The following CRISPLD2 variants were observed in gnomAD, a reference collection of about 807,000 sequenced individuals.
CRISPLD2 encodes the protein cysteine rich secretory protein LCCL domain containing 2, also known as cysteine-rich secretory protein LCCL domain-containing 2.
Under a neutral mutation model 71.1 loss-of-function variants are expected in CRISPLD2, and 47 were observed. That is an observed-to-expected ratio of 0.66 (90% CI 0.52 to 0.84). The LOEUF is 0.84. Among genes scored for constraint, CRISPLD2 ranks in the 40% least tolerant of loss-of-function variants. The pLI, the probability that CRISPLD2 is intolerant of heterozygous loss-of-function variation, is 0.00. For synonymous variants in CRISPLD2, 317 were observed against 250.1 expected (o/e 1.27, Z -2.52); for missense variants, 830 against 651.1 (o/e 1.27, Z -2.99).
intron 13 of CRISPLD2, among the ~76,000 whole-genome samples, chr16:84,886,073 A>G (rs1433399299): frequency 6.6e-6 from 1 of 152,108 alleles, no homozygotes; most frequent in South Asian, 2.1e-4. Flanking sequence ...TATTTTTAGT[A>G]GAGATGGGGT....
intron 8 of CRISPLD2, among the ~76,000 whole-genome samples, chr16:84,870,778 G>A (rs780614400): frequency 2.0e-5 from 3 of 152,072 alleles, no homozygotes; most frequent in African/African-American, 7.2e-5. Flanking sequence ...AACAGTTGCG[G>A]CCAGGTACGG....
intron 14 of CRISPLD2, among the ~76,000 whole-genome samples, chr16:84,896,310 A>G (rs2071705700): frequency 1.3e-5 from 2 of 152,064 alleles, no homozygotes; most frequent in South Asian, 4.2e-4. Context: ...CAGCCTCCCA[A>G]AGTGCTGGGA....
At chr16:84,846,354 G>C (rs1916914682) in intron 3 of CRISPLD2, among the ~76,000 whole-genome samples, 1 of 151,896 alleles carries the variant, frequency 6.6e-6, no homozygotes. Flanking sequence ...CTGGGTTCAA[G>C]TGATTCTCGA....
rs561058435 is a variant in CRISPLD2, at chr16:84,854,617, C to G, written c.609-112C>G. 2.7e-4 allele frequency: 211 copies of G among 770,206 alleles called. 3 individuals are homozygous for G. The highest frequency in any genetic ancestry group is 3.3e-4 in the Middle Eastern group (1 of 3,070). 47.7% of individuals were successfully genotyped at this position (770,206 alleles called of 1,614,324 possible). A position where few individuals can be genotyped will look rare whatever the true frequency, so the allele number is the denominator to read the frequency against. The stretch of plus-strand genomic sequence containing the variant: ...CTTCCCACAGCACACAACCTTCCCC[C>G]CTGACCTGTCAGTGGCGGTGTTCAG... On this transcript the variant is annotated intron_variant, in intron 5 of 14. Coordinates refer to ENST00000262424, the MANE Select transcript of CRISPLD2 (RefSeq NM_031476.4).
intron 1 of CRISPLD2, among the ~76,000 whole-genome samples, chr16:84,826,436 C>A (rs1004729028): frequency 1.3e-5 from 2 of 152,222 alleles, no homozygotes; most frequent in East Asian, 3.9e-4. Flanking sequence ...TTTCATGCCC[C>A]TATGTGCCTG....
chr16:84,894,346 G>T (rs1370499755), intron 14 of CRISPLD2, among the ~76,000 whole-genome samples: 2 of 152,192 alleles, frequency 1.3e-5, no homozygotes, highest in Admixed American at 6.5e-5. Flanking sequence ...CACAGATTTT[G>T]CAAGAGATTG....
At chr16:84,866,597 C>T (rs982610936) in intron 6 of CRISPLD2, among the ~76,000 whole-genome samples, 1 of 152,066 alleles carries the variant, frequency 6.6e-6, no homozygotes, top group African/African-American at 2.4e-5. Context: ...GGAGATGGGA[C>T]AAGAAACCAT....
chr16:84,894,011 A>G (rs886722683), intron 14 of CRISPLD2, among the ~76,000 whole-genome samples: 1 of 152,190 alleles, frequency 6.6e-6, no homozygotes, highest in Non-Finnish European at 1.5e-5. Flanking sequence ...CTTCAATCAC[A>G]CAAACCACCA....
intron 7 of CRISPLD2, among the ~76,000 whole-genome samples, chr16:84,868,041 C>T (rs1040368214): frequency 8.5e-5 from 13 of 152,318 alleles, no homozygotes; most frequent in African/African-American, 2.9e-4. Context: ...TCCCCGTTTG[C>T]CCCGCAAGCC....
At position 84,868,567 on chromosome 16, in the gene CRISPLD2, A is replaced by G. The variant is rs371473196; in HGVS notation, c.854-284A>G. ...TTCACTTTCTCTCTCAAGGTTCACA[A>G]AAGCCCTTGGAGGTGGGTACTGTCA... On this transcript the variant is annotated intron_variant, in intron 7 of 14. Coordinates refer to ENST00000262424, the MANE Select transcript of CRISPLD2 (RefSeq NM_031476.4). Among the ~76,000 whole-genome samples, 16 of 152,310 alleles carry G rather than the reference A, an allele frequency of 1.1e-4. 1 individual carries two copies. Among genetic ancestry groups the G allele is most frequent in the Admixed American group, 4.6e-4 (7 of 15,304 alleles).
At chr16:84,874,025 T>C in intron 11 of CRISPLD2, 62 bp downstream of exon 11, 1 of 1,389,598 alleles carries the variant, frequency 7.2e-7, no homozygotes, top group African/African-American at 1.5e-5. Context: ...TTCCTGGAAA[T>C]TTCACTTCCT....
rs1382416490 is a variant in CRISPLD2, at chr16:84,868,849, A to G, written c.854-2A>G. On this transcript the variant is annotated splice_acceptor_variant, in intron 7 of 14. Coordinates refer to ENST00000262424, the MANE Select transcript of CRISPLD2 (RefSeq NM_031476.4). LOFTEE classifies it high-confidence loss of function. ...ACATGTATTCCCGCATTTCTCTCCTAGCCCAAGTCGTCAGATGTGACACCA... is the reference window on the plus strand; with the variant it reads ...ACATGTATTCCCGCATTTCTCTCCTGGCCCAAGTCGTCAGATGTGACACCA... 1.2e-6 allele frequency: 2 copies of G among 1,611,678 alleles called. No homozygotes were observed. Among genetic ancestry groups the G allele is most frequent in the Non-Finnish European group, 1.7e-6 (2 of 1,178,956 alleles).
At chr16:84,821,953 T>A (rs1174834308) in intron 1 of CRISPLD2, among the ~76,000 whole-genome samples, 1 of 152,116 alleles carries the variant, frequency 6.6e-6, no homozygotes, top group African/African-American at 2.4e-5. Context: ...CAGGGCGGGG[T>A]AGAGCTGCCG....
intron 1 of CRISPLD2, among the ~76,000 whole-genome samples, chr16:84,826,992 AT>A (rs1257183874): frequency 6.6e-6 from 1 of 151,610 alleles, no homozygotes; most frequent in African/African-American, 2.4e-5. Context: ...TTTTTTTATA[AT>A]TTCTTGTTGA....
intron 8 of CRISPLD2, among the ~76,000 whole-genome samples, chr16:84,871,395 T>C (rs2071467910): frequency 6.6e-6 from 1 of 152,066 alleles, no homozygotes. Flanking sequence ...CAAAATTAGT[T>C]GGGTGTGGTT....
chr16:84,867,020 C>A lies in CRISPLD2; in HGVS notation c.833C>A (p.Thr278Asn), dbSNP rs778905360. 1.6e-5 allele frequency: 26 copies of A among 1,613,942 alleles called. No homozygotes were observed. The highest frequency in any genetic ancestry group is 1.2e-4 in the Admixed American group (7 of 59,996). The change falls in exon 7 of 15, where the codon ACC (threonine) becomes AAC (asparagine). Residue 278 changes from threonine (T) to asparagine (N), a missense_variant. Coordinates refer to ENST00000262424, the MANE Select transcript of CRISPLD2 (RefSeq NM_031476.4). The stretch of plus-strand genomic sequence containing the variant: ...ATGAGACCCACCAAGCCCAAGAAAA[C>A]CTCTGCGGTCAACTACATGAGTGAG... ...RVMRPTKPKKTSAVNYMTQVV... is the reference protein window; with the variant it reads ...RVMRPTKPKKNSAVNYMTQVV...
In CRISPLD2 at chr16:84,863,937, A is replaced by G. The variant is rs146695444; in HGVS notation, c.710-2960A>G. ...ACACCATTGCACTCCAGCCTGGGCAACAAGAGCAAAACTTCCTCTCAAAAA... is the reference window on the plus strand; with the variant it reads ...ACACCATTGCACTCCAGCCTGGGCAGCAAGAGCAAAACTTCCTCTCAAAAA... On this transcript the variant is annotated intron_variant, in intron 6 of 14. Transcript: ENST00000262424. Among the ~76,000 whole-genome samples the G allele has an allele frequency of 5.2e-3, 778 of 149,566 alleles. 7 individuals are homozygous for G. Among genetic ancestry groups the G allele is most frequent in the African/African-American group, 0.019 (746 of 40,306 alleles).
At chr16:84,884,508 G>C (rs1489919728) in intron 13 of CRISPLD2, among the ~76,000 whole-genome samples, 1 of 152,240 alleles carries the variant, frequency 6.6e-6, no homozygotes, top group Non-Finnish European at 1.5e-5. Flanking sequence ...TGCAGGATTG[G>C]TTACCAGCTT....
chr16:84,821,116 G>T (rs1916220723), intron 1 of CRISPLD2, among the ~76,000 whole-genome samples: 1 of 152,242 alleles, frequency 6.6e-6, no homozygotes, highest in African/African-American at 2.4e-5. Flanking sequence ...CGAGAGTGGG[G>T]TTGTGAGTTT....
Sources: gnomAD v4.1 joint callset for allele counts (sites outside exome capture counted in the v4.1 genomes callset) on GRCh38, gnomAD v4.1.1 for gene constraint, MANE v1.5 for transcripts, NCBI Gene and HGNC (gene_info 2026-07-23, HGNC 2026-07-21) for gene names.